The following PPP1R12B variants were observed in gnomAD, a reference collection of about 807,000 sequenced individuals.
PPP1R12B encodes myosin phosphatase target subunit 2.
Under a neutral mutation model 126.1 loss-of-function variants are expected in PPP1R12B, and 76 were observed. The ratio of observed to expected loss-of-function variants is 0.60; its 90% confidence interval spans 0.50 to 0.73. The LOEUF (loss-of-function observed/expected upper bound fraction) is 0.73. PPP1R12B is among the 30% of genes least tolerant of loss of function. The probability of loss-of-function intolerance (pLI) is 0.00; values close to 1 mark genes in which losing one functional copy is unlikely to be tolerated. For synonymous variants in PPP1R12B, 356 were observed against 434.7 expected, an observed-to-expected ratio of 0.82 and a Z score of 2.25; for missense variants, 1,052 against 1,205.1, an observed-to-expected ratio of 0.87 and a Z score of 1.88.
rs1170312817 is a variant in PPP1R12B, at chr1:202,562,931, T to C, written c.2652+9T>C. 88 of 1,548,056 alleles carry C rather than the reference T, an allele frequency of 5.7e-5. No individual in the cohort carries two copies. Among genetic ancestry groups the C allele is most frequent in the Non-Finnish European group, 7.6e-5 (88 of 1,151,222 alleles). On this transcript the variant is annotated intron_variant, in intron 20 of 23. Transcript: ENST00000608999. ...ACAGAGATTATAAAAAAGTAGGGTC[T>C]TTATTCAATTTTCCGGTTCTTTGGT...
At chr1:202,447,584 G>C (rs1345862455) in intron 12 of PPP1R12B, among the ~76,000 whole-genome samples, 1 of 152,150 alleles carries the variant, frequency 6.6e-6, no homozygotes, top group African/African-American at 2.4e-5. Flanking sequence ...CATATCCTCT[G>C]ATCTCTGCTC....
intron 18 of PPP1R12B, among the ~76,000 whole-genome samples, chr1:202,506,828 A>G (rs191296167): frequency 1.1e-4 from 16 of 152,354 alleles, no homozygotes; most frequent in Admixed American, 2.0e-4. Context: ...ATAAAGTGGT[A>G]GCTCTCAAAA....
intron 18 of PPP1R12B, among the ~76,000 whole-genome samples, chr1:202,542,823 T>C (rs1412087385): frequency 6.6e-6 from 1 of 152,168 alleles, no homozygotes; most frequent in African/African-American, 2.4e-5. Flanking sequence ...CTGTGTGCAT[T>C]TCAGAGTTAA....
intron 1 of PPP1R12B, among the ~76,000 whole-genome samples, chr1:202,405,190 G>A (rs919279078): frequency 1.3e-5 from 2 of 152,086 alleles, no homozygotes; most frequent in Non-Finnish European, 2.9e-5. Flanking sequence ...AGACTTGATG[G>A]ACCCTCAGCA....
intron 18 of PPP1R12B, among the ~76,000 whole-genome samples, chr1:202,556,074 C>CA (rs1686899892): frequency 6.6e-6 from 1 of 152,086 alleles, no homozygotes; most frequent in Non-Finnish European, 1.5e-5. Flanking sequence ...TGGGGTTTTG[C>CA]CACGTTGGCC....
intron 1 of PPP1R12B, among the ~76,000 whole-genome samples, chr1:202,370,967 T>C (rs1242750865): frequency 6.6e-6 from 1 of 151,530 alleles, no homozygotes; most frequent in Non-Finnish European, 1.5e-5. Context: ...GATATTGTCA[T>C]TTTTTTTGAA....
intron 1 of PPP1R12B, among the ~76,000 whole-genome samples, chr1:202,402,317 G>C (rs1022636166): frequency 6.6e-6 from 1 of 152,138 alleles, no homozygotes; most frequent in Non-Finnish European, 1.5e-5. Flanking sequence ...TAAGCTAGTC[G>C]GGGAGAGTGG....
chr1:202,570,753 G>C (rs910838204), intron 23 of PPP1R12B, among the ~76,000 whole-genome samples: 17 of 152,102 alleles, frequency 1.1e-4, no homozygotes, highest in Admixed American at 8.5e-4. Context: ...GAACTCCTGG[G>C]CTCAAATAAT....
intron 13 of PPP1R12B, chr1:202,473,788 G>A: frequency 2.7e-6 from 1 of 376,080 alleles, no homozygotes. Context: ...TGCAAGCTTT[G>A]CCTCTGGCTT....
At chr1:202,350,912 T>A (rs558705153) in intron 1 of PPP1R12B, among the ~76,000 whole-genome samples, 1 of 152,110 alleles carries the variant, frequency 6.6e-6, no homozygotes, top group South Asian at 2.1e-4. Flanking sequence ...TGAGCCGCTG[T>A]GCCTGGCCTA....
intron 18 of PPP1R12B, among the ~76,000 whole-genome samples, chr1:202,528,416 GC>G (rs1345782447): frequency 6.6e-6 from 1 of 152,164 alleles, no homozygotes; most frequent in East Asian, 1.9e-4. Context: ...TTACTGTATT[GC>G]ATGCTAAGCA....
At chr1:202,452,440 C>T (rs1266867624) in intron 13 of PPP1R12B, among the ~76,000 whole-genome samples, 3 of 152,162 alleles carry the variant, frequency 2.0e-5, no homozygotes, top group Non-Finnish European at 4.4e-5. Flanking sequence ...ATCACAGGCA[C>T]TTGGCAGGCT....
intron 18 of PPP1R12B, among the ~76,000 whole-genome samples, chr1:202,506,149 C>A (rs1441284133): frequency 6.6e-6 from 1 of 152,184 alleles, no homozygotes; most frequent in Non-Finnish European, 1.5e-5. Flanking sequence ...TGGGAAGCTG[C>A]CTGTTATCCA....
At chr1:202,563,626 T>TAAAA (rs56149958) in intron 20 of PPP1R12B, among the ~76,000 whole-genome samples, 9 of 120,388 alleles carry the variant, frequency 7.5e-5, no homozygotes, top group African/African-American at 2.3e-4. Flanking sequence ...TTGGTGTTAG[T>TAAAA]AAAAAAAAAA....
chr1:202,349,214 T>TGG, intron 1 of PPP1R12B, 72 bp downstream of exon 1: 1 of 1,562,982 alleles, frequency 6.4e-7, no homozygotes, highest in Non-Finnish European at 8.7e-7. Context: ...AGCCACCCCA[T>TGG]GGGGAGTATC....
intron 6 of PPP1R12B, among the ~76,000 whole-genome samples, chr1:202,430,022 A>C (rs908409268): frequency 2.0e-5 from 3 of 152,224 alleles, no homozygotes; most frequent in African/African-American, 4.8e-5. Context: ...TTTCAAATGC[A>C]GTGTCAATGC....
intron 1 of PPP1R12B, among the ~76,000 whole-genome samples, chr1:202,404,493 T>G (rs1457073101): frequency 6.6e-6 from 1 of 151,938 alleles, no homozygotes; most frequent in Non-Finnish European, 1.5e-5. Flanking sequence ...TTATTTTTAT[T>G]TTTTAAATTT....
At chr1:202,354,454 A>G (rs564685109) in intron 1 of PPP1R12B, among the ~76,000 whole-genome samples, 8 of 152,272 alleles carry the variant, frequency 5.3e-5, no homozygotes, top group African/African-American at 1.9e-4. Context: ...CTGTAGTTGC[A>G]GCTACTTGGG....
At chr1:202,445,153 G>A in intron 12 of PPP1R12B, 2 of 1,246,686 alleles carry the variant, frequency 1.6e-6, no homozygotes, top group South Asian at 4.1e-5. Flanking sequence ...ACCTCTCGGG[G>A]CAGCCAGTGG....
Sources: allele counts gnomAD v4.1 joint callset (sites outside exome capture counted in the v4.1 genomes callset), GRCh38; gene constraint gnomAD v4.1.1; transcripts MANE v1.5; gene names NCBI Gene and HGNC (gene_info 2026-07-23, HGNC 2026-07-21).